Variants in ZYG11B observed in about 807,000 individuals in gnomAD.
ZYG11B encodes the protein protein zyg-11 homolog B.
ZYG11B carries 36 observed loss-of-function variants against 82.4 expected under a neutral mutation model. The ratio of observed to expected loss-of-function variants is 0.44; its 90% CI spans 0.33 to 0.58. The LOEUF is 0.58. ZYG11B is among the 20% of genes least tolerant of loss of function. The probability of loss-of-function intolerance (pLI) is 0.02; values close to 1 mark genes in which losing one functional copy is unlikely to be tolerated. For synonymous variants in ZYG11B, 303 were observed against 312.8 expected, an observed-to-expected ratio of 0.97 and a Z score of 0.33; for missense variants, 552 against 895.6, an observed-to-expected ratio of 0.62 and a Z score of 4.90.
intron 2 of ZYG11B, among the ~76,000 whole-genome samples, chr1:52,759,550 T>G (rs1053213171): frequency 6.6e-6 from 1 of 152,200 alleles, no homozygotes; most frequent in Non-Finnish European, 1.5e-5. Context: ...ATGAGGAAAC[T>G]GAGGGTCAGA....
At chr1:52,769,341 T>G (rs916529653) in intron 2 of ZYG11B, among the ~76,000 whole-genome samples, 4 of 152,164 alleles carry the variant, frequency 2.6e-5, no homozygotes. Flanking sequence ...GAAAAACAAG[T>G]GCAACGAGTT....
chr1:52,752,829 A>G (rs1644537445), intron 1 of ZYG11B, among the ~76,000 whole-genome samples: 1 of 143,986 alleles, frequency 6.9e-6, no homozygotes, highest in African/African-American at 2.7e-5. Flanking sequence ...TGTTGTGAGT[A>G]AAAACAATTC....
intron 2 of ZYG11B, among the ~76,000 whole-genome samples, chr1:52,770,577 T>C (rs1381848710): frequency 6.6e-6 from 1 of 152,180 alleles, no homozygotes; most frequent in African/African-American, 2.4e-5. Context: ...TTTCTCCTCA[T>C]ATAACTATAC....
At chr1:52,758,053 A>T (rs1164069488) in intron 2 of ZYG11B, among the ~76,000 whole-genome samples, 1 of 151,416 alleles carries the variant, frequency 6.6e-6, no homozygotes, top group Non-Finnish European at 1.5e-5. Context: ...TACAAAAATT[A>T]GCCGGGCGTG....
intron 1 of ZYG11B, among the ~76,000 whole-genome samples, chr1:52,734,760 C>T (rs912172636): frequency 3.9e-5 from 6 of 151,914 alleles, no homozygotes; most frequent in Non-Finnish European, 1.5e-5. Context: ...TGGAGTTTCG[C>T]TCTTGTTGCC....
chr1:52,797,916 A>G (rs1054923568), intron 8 of ZYG11B, among the ~76,000 whole-genome samples: 5 of 151,818 alleles, frequency 3.3e-5, no homozygotes, highest in Non-Finnish European at 7.4e-5. Context: ...ACTTGAGGCC[A>G]GGAGTTCAAG....
chr1:52,730,004 C>T (rs1363427789), intron 1 of ZYG11B, among the ~76,000 whole-genome samples: 1 of 152,036 alleles, frequency 6.6e-6, no homozygotes, highest in African/African-American at 2.4e-5. Flanking sequence ...GATGGGGTTT[C>T]GCCATGTTGC....
chr1:52,759,085 A>C (rs1644604484), intron 2 of ZYG11B, among the ~76,000 whole-genome samples: 2 of 151,874 alleles, frequency 1.3e-5, no homozygotes, highest in Admixed American at 6.6e-5. Flanking sequence ...GTGCCCACCA[A>C]CACGCCCAGC....
At chr1:52,728,695 T>C (rs981003573) in intron 1 of ZYG11B, among the ~76,000 whole-genome samples, 10 of 152,126 alleles carry the variant, frequency 6.6e-5, no homozygotes, top group African/African-American at 2.4e-4. Context: ...AGAATGAATG[T>C]ATGAGAGGGA....
At chr1:52,803,105 T>TATATACAC (rs1553262791) in intron 10 of ZYG11B, among the ~76,000 whole-genome samples, 2 of 90,068 alleles carry the variant, frequency 2.2e-5, no homozygotes, top group Non-Finnish European at 3.6e-5. Context: ...TATACATATA[T>TATATACAC]ATATATATAT....
intron 1 of ZYG11B, among the ~76,000 whole-genome samples, chr1:52,736,872 A>G (rs1197418235): frequency 6.6e-6 from 1 of 152,122 alleles, no homozygotes; most frequent in Admixed American, 6.5e-5. Context: ...TACAGGTGTG[A>G]GCCGCTGTGC....
intron 2 of ZYG11B, among the ~76,000 whole-genome samples, chr1:52,758,466 G>C (rs1644599187): frequency 6.6e-6 from 1 of 152,082 alleles, no homozygotes; most frequent in South Asian, 2.1e-4. Flanking sequence ...GGGTCATACT[G>C]CAAGTAAATA....
At chr1:52,783,816 G>C (rs1236204735) in intron 4 of ZYG11B, among the ~76,000 whole-genome samples, 1 of 123,850 alleles carries the variant, frequency 8.1e-6, no homozygotes, top group Non-Finnish European at 1.6e-5. Flanking sequence ...ACACACACAC[G>C]TATATGTATA....
intron 5 of ZYG11B, among the ~76,000 whole-genome samples, chr1:52,786,302 C>G (rs1644911222): frequency 6.6e-6 from 1 of 152,078 alleles, no homozygotes; most frequent in African/African-American, 2.4e-5. Context: ...GAGTTTCCTT[C>G]TGGGGTGATG....
intron 1 of ZYG11B, among the ~76,000 whole-genome samples, chr1:52,746,680 G>T: frequency 4.1e-5 from 3 of 73,748 alleles, no homozygotes; most frequent in South Asian, 4.2e-4. Flanking sequence ...AATAAAGATC[G>T]GCCACTGTTT....
Position 52,776,753 on chromosome 1 carries a change from G to C in ZYG11B, c.952-3100G>C, listed in dbSNP as rs554003572. Among the ~76,000 whole-genome samples the C allele has an allele frequency of 3.2e-4, 49 of 151,476 alleles. No individual in the cohort carries two copies. The South Asian group carries it at 4.0e-3, about 12-fold the overall frequency. On this transcript the variant is annotated intron_variant, in intron 3 of 13. Transcript: ENST00000294353. Reference sequence around the variant, plus strand: ...TTCATTTCACATTTCAGCATTTTTTGTTTTTTTCTGAATTTATAAGAAAAA... The same window carrying C: ...TTCATTTCACATTTCAGCATTTTTTCTTTTTTTCTGAATTTATAAGAAAAA...
intron 10 of ZYG11B, among the ~76,000 whole-genome samples, chr1:52,812,605 A>G (rs563271321): frequency 3.3e-5 from 5 of 151,698 alleles, no homozygotes; most frequent in Non-Finnish European, 7.4e-5. Flanking sequence ...GGGTTTCTCC[A>G]TGTTGGCCAG....
chr1:52,769,095 A>G (rs1462480133), intron 2 of ZYG11B, among the ~76,000 whole-genome samples: 1 of 152,030 alleles, frequency 6.6e-6, no homozygotes, highest in Admixed American at 6.6e-5. Context: ...TTTTTACTCC[A>G]TGGGATTATG....
chr1:52,803,500 A>G (rs1232838280), intron 10 of ZYG11B, among the ~76,000 whole-genome samples: 1 of 150,266 alleles, frequency 6.7e-6, no homozygotes, highest in Non-Finnish European at 1.5e-5. Context: ...ATATATTTAT[A>G]TATAAAGATT....
Sources: allele counts gnomAD v4.1 joint callset (sites outside exome capture counted in the v4.1 genomes callset), GRCh38; gene constraint gnomAD v4.1.1; transcripts MANE v1.5; gene names NCBI Gene and HGNC (gene_info 2026-07-23, HGNC 2026-07-21).